Variants in RAPGEF4 observed in about 807,000 individuals in gnomAD.
The protein encoded by RAPGEF4 is Rap guanine nucleotide exchange factor 4.
RAPGEF4 carries 66 observed loss-of-function variants against 147.9 expected under a neutral mutation model. That is an observed-to-expected ratio of 0.45 (90% CI 0.37 to 0.55). RAPGEF4 has a LOEUF of 0.55. RAPGEF4 is among the 20% of genes least tolerant of loss of function. RAPGEF4 has a pLI of 0.00. For synonymous variants in RAPGEF4, 419 were observed against 442.7 expected, an observed-to-expected ratio of 0.95 and a Z score of 0.67; for missense variants, 1,071 against 1,257.3, an observed-to-expected ratio of 0.85 and a Z score of 2.24.
In RAPGEF4 at chr2:173,052,234, G is replaced by A. The variant is rs956629788; in HGVS notation, c.*467G>A. ...GGAAGGTGTTGAGGAATCTATAGAA[G>A]TCCAAATTATAGGTTGTATTCTTCC... On this transcript the variant is annotated 3_prime_UTR_variant, in exon 31 of 31. Transcript: ENST00000397081. 2.0e-5 allele frequency: 3 copies of A among 153,462 alleles called. No individual in the cohort carries two copies. The highest frequency in any genetic ancestry group is 6.5e-5 in the Admixed American group (1 of 15,418). The allele number at this position is 153,462 out of a possible 1,614,324, so 9.5% of individuals were successfully genotyped here. A position where few individuals can be genotyped will look rare whatever the true frequency, so the allele number is the denominator to read the frequency against.
Position 173,042,809 on chromosome 2 carries a change from A to G in RAPGEF4, c.2854-5791A>G, listed in dbSNP as rs576815325. 3.6e-4 allele frequency among the ~76,000 whole-genome samples: 55 copies of G among 152,242 alleles called. 1 individual carries two copies. The highest frequency in any genetic ancestry group is 3.4e-3 in the Middle Eastern group (1 of 294). ...CCTCCCTGAGTACATAGAGGTATAC[A>G]TGCTCTACACGTGCCTGGAAAGGCA... On this transcript the variant is annotated intron_variant, in intron 29 of 30. Coordinates refer to ENST00000397081, the MANE Select transcript of RAPGEF4 (RefSeq NM_007023.4). The surrounding 1 kb of genome is among the most constrained non-coding windows in gnomAD (Gnocchi z 4.2).
At chr2:172,933,156 A>T (rs1241442571) in intron 6 of RAPGEF4, among the ~76,000 whole-genome samples, 1 of 152,124 alleles carries the variant, frequency 6.6e-6, no homozygotes, top group Admixed American at 6.5e-5. Context: ...CTGGGGATGG[A>T]AGTAGTTTTA....
intron 29 of RAPGEF4, 73 bp from the exon 30 acceptor site, chr2:173,048,527 T>C: frequency 1.3e-6 from 2 of 1,597,126 alleles, no homozygotes; most frequent in Non-Finnish European, 1.7e-6. Flanking sequence ...GCAGAAATGG[T>C]TTGTTTTCCT....
In RAPGEF4 at chr2:173,016,368, C is replaced by T. The variant is rs1401070986; in HGVS notation, c.1829C>T (p.Ser610Leu). Residue 610 changes from serine (S) to leucine (L), a missense_variant, in exon 19 of 31, where the codon TCA becomes TTA. By Grantham distance (145) the Ser-to-Leu change is moderately radical. Coordinates refer to ENST00000397081, the MANE Select transcript of RAPGEF4 (RefSeq NM_007023.4). ...AFLEEFYVSV[S>L]DDARMIAALK... is the part of the protein sequence containing the mutation. The stretch of plus-strand genomic sequence containing the variant: ...TTACAGGAGTTTTATGTATCTGTAT[C>T]AGATGATGCCCGGATGATTGCTGCC... 2 of 1,613,218 alleles carry T rather than the reference C, an allele frequency of 1.2e-6. No homozygotes were observed. The highest frequency in any genetic ancestry group is 2.2e-5 in the East Asian group (1 of 44,888).
At chr2:172,949,067 A>G (rs969898644) in intron 6 of RAPGEF4, among the ~76,000 whole-genome samples, 3 of 152,258 alleles carry the variant, frequency 2.0e-5, no homozygotes, top group Non-Finnish European at 4.4e-5. Flanking sequence ...AAAGTAAAAT[A>G]GTTCACAAAT....
chr2:172,843,236 T>G (rs138388309), intron 4 of RAPGEF4, among the ~76,000 whole-genome samples: 77 of 152,256 alleles, frequency 5.1e-4, no homozygotes, highest in African/African-American at 1.8e-3. Flanking sequence ...TAATACGATG[T>G]TCAAAATACT....
At position 172,968,045 on chromosome 2, in the gene RAPGEF4, A is replaced by G. The variant is rs1690043801; in HGVS notation, c.1004+601A>G. 2.0e-5 allele frequency among the ~76,000 whole-genome samples: 3 copies of G among 152,154 alleles called. No individual in the cohort carries two copies. The South Asian group carries it at 6.2e-4, about 32-fold the overall frequency. ...AGCAGGCCACCACCTGCAATTGTGGACTCTGAAATGTTTAATCAGATCCAC... is the reference window on the plus strand; with the variant it reads ...AGCAGGCCACCACCTGCAATTGTGGGCTCTGAAATGTTTAATCAGATCCAC... On this transcript the variant is annotated intron_variant, in intron 10 of 30. Transcript: ENST00000397081.
In RAPGEF4 at chr2:172,922,276, T is replaced by C. The variant is rs762482543; in HGVS notation, c.518-5T>C. 40 of 1,607,118 alleles carry C rather than the reference T, an allele frequency of 2.5e-5. No individual in the cohort carries two copies. The highest frequency in any genetic ancestry group is 6.7e-5 in the African/African-American group (5 of 74,766). On this transcript the variant is annotated splice_region_variant and splice_polypyrimidine_tract_variant and intron_variant, in intron 5 of 30. Coordinates refer to ENST00000397081, the MANE Select transcript of RAPGEF4 (RefSeq NM_007023.4). Reference sequence around the variant, plus strand: ...GCCTCTCTCTGTCTCTTTTTCCTCCTTTAGGGATTCCTGACAAGGAGAACG... The same window carrying C: ...GCCTCTCTCTGTCTCTTTTTCCTCCCTTAGGGATTCCTGACAAGGAGAACG...
Position 173,018,766 on chromosome 2 carries a change from G to T in RAPGEF4, c.2119G>T (p.Glu707Ter). Residue 707 changes from glutamate (E) to a stop codon, truncating the protein, a stop_gained, in exon 22 of 31, where the codon GAG becomes TAG. Transcript: ENST00000397081. LOFTEE classifies it high-confidence loss of function. ...SAVADKLGSG[E>*]GLIIVKMSSG... The stretch of plus-strand genomic sequence containing the variant: ...AGTTGCCGACAAGCTGGGCTCCGGG[G>T]AGGGCCTGATCATAGTCAAGATGAG... 6.2e-7 allele frequency: 1 copy of T among 1,614,070 alleles called. No individual in the cohort carries two copies. Among genetic ancestry groups the T allele is most frequent in the Non-Finnish European group, 8.5e-7 (1 of 1,180,012 alleles).
chr2:172,875,244 T>G (rs1318722764), intron 4 of RAPGEF4, among the ~76,000 whole-genome samples: 5 of 152,208 alleles, frequency 3.3e-5, no homozygotes, highest in Non-Finnish European at 5.9e-5. Context: ...AGAAGCTCTT[T>G]AGTTTAATTA....
chr2:172,911,643 G>C (rs1288433764), intron 4 of RAPGEF4, among the ~76,000 whole-genome samples: 1 of 151,042 alleles, frequency 6.6e-6, no homozygotes, highest in Non-Finnish European at 1.5e-5. Context: ...ATTTTTAGTA[G>C]AGACGAGGTT....
chr2:172,913,346 C>T (rs565385349), intron 4 of RAPGEF4, among the ~76,000 whole-genome samples: 159 of 152,342 alleles, frequency 1.0e-3, no homozygotes, highest in African/African-American at 3.7e-3. Context: ...TGTAACAAAC[C>T]ATGCCAAACT....
intron 1 of RAPGEF4, among the ~76,000 whole-genome samples, chr2:172,756,640 C>CA (rs1393771120): frequency 6.6e-6 from 1 of 152,200 alleles, no homozygotes; most frequent in African/African-American, 2.4e-5. Context: ...GTAGGACAGA[C>CA]ACCTTGTTTC....
chr2:172,957,691 T>G (rs2105437332), intron 6 of RAPGEF4, among the ~76,000 whole-genome samples: 1 of 152,338 alleles, frequency 6.6e-6, no homozygotes, highest in South Asian at 2.1e-4. Flanking sequence ...CATCCTTCAT[T>G]CATCATGTTG....
intron 4 of RAPGEF4, among the ~76,000 whole-genome samples, chr2:172,840,157 C>T (rs1184658622): frequency 6.6e-6 from 1 of 152,148 alleles, no homozygotes; most frequent in African/African-American, 2.4e-5. Flanking sequence ...CATTATATGG[C>T]TTCTCTTCCA....
At chr2:172,774,240 T>G (rs1041958655) in intron 1 of RAPGEF4, among the ~76,000 whole-genome samples, 1 of 152,238 alleles carries the variant, frequency 6.6e-6, no homozygotes, top group Non-Finnish European at 1.5e-5. Flanking sequence ...CTTCAGTTCA[T>G]TCCCTGCTAG....
chr2:172,971,098 A>ATG (rs3835836), intron 10 of RAPGEF4, among the ~76,000 whole-genome samples: 64,810 of 152,020 alleles, frequency 0.43, 14,220 homozygotes, highest in South Asian at 0.61. Context: ...ACCAGTAGAA[A>ATG]TGTGCATTTT....
chr2:173,045,595 T>C (rs897944511), intron 29 of RAPGEF4, among the ~76,000 whole-genome samples: 1 of 152,254 alleles, frequency 6.6e-6, no homozygotes, highest in South Asian at 2.1e-4. Flanking sequence ...GTCATTGCCG[T>C]GGCATTTGTA....
intron 4 of RAPGEF4, among the ~76,000 whole-genome samples, chr2:172,856,462 G>T (rs1226715325): frequency 1.3e-5 from 2 of 152,050 alleles, no homozygotes; most frequent in Non-Finnish European, 2.9e-5. Context: ...TTATTTTTTT[G>T]TGTGTCTTTG....
Sources: gnomAD v4.1 joint callset for allele counts (sites outside exome capture counted in the v4.1 genomes callset) on GRCh38, gnomAD v4.1.1 for gene constraint, Gnocchi (gnomAD v3.1) non-coding constraint, MANE v1.5 for transcripts, NCBI Gene and HGNC (gene_info 2026-07-23, HGNC 2026-07-21) for gene names.